The following SHTN1 variants were observed in gnomAD, a reference collection of about 807,000 sequenced individuals.
SHTN1 encodes the protein shootin 1.
In SHTN1, 42 loss-of-function variants were observed where a neutral mutation model predicts 83.1. The ratio of observed to expected loss-of-function variants is 0.51; its 90% CI spans 0.39 to 0.65. The LOEUF (loss-of-function observed/expected upper bound fraction) is 0.65. Ranked by LOEUF, SHTN1 falls within the 30% of genes least tolerant of loss-of-function variation. The probability of loss-of-function intolerance (pLI) is 0.00; values close to 1 mark genes in which losing one functional copy is unlikely to be tolerated. For synonymous variants in SHTN1, 224 were observed against 247.7 expected, an observed-to-expected ratio of 0.90 and a Z score of 0.90; for missense variants, 622 against 737.8, an observed-to-expected ratio of 0.84 and a Z score of 1.82.
chr10:116,999,229 T>C (rs1851739285), intron 1 of SHTN1, among the ~76,000 whole-genome samples: 1 of 152,198 alleles, frequency 6.6e-6, no homozygotes, highest in Non-Finnish European at 1.5e-5. Context: ...ATTGGAACAT[T>C]AATCAATTTT....
intron 2 of SHTN1, among the ~76,000 whole-genome samples, chr10:117,044,569 A>G (rs1257032238): frequency 1.3e-5 from 2 of 152,178 alleles, no homozygotes; most frequent in East Asian, 1.9e-4. Flanking sequence ...AGTATTTTCT[A>G]TATCAATTTG....
In SHTN1 at chr10:116,954,119, T is replaced by C. The variant is rs1447174401; in HGVS notation, c.359A>G (p.Asp120Gly). 1.2e-6 allele frequency: 2 copies of C among 1,613,976 alleles called. No individual in the cohort carries two copies. The highest frequency in any genetic ancestry group is 1.7e-6 in the Non-Finnish European group (2 of 1,179,870). The change falls in exon 5 of 17, where the codon GAT becomes GGT. Residue 120 changes from aspartate (D) to glycine (G), a missense_variant. Coordinates refer to ENST00000355371, the MANE Select transcript of SHTN1 (RefSeq NM_001127211.3). ...PDVITEEINI[D>G]DEDSTTDTDG... is the part of the protein sequence containing the mutation. The stretch of plus-strand genomic sequence containing the variant: ...TGTGTCTGTAGTCGAATCTTCATCA[T>C]CAATGTTTATCTCTTCAGTTATTAC...
intron 14 of SHTN1, among the ~76,000 whole-genome samples, chr10:116,908,921 T>A (rs74159004): frequency 0.059 from 9,029 of 152,188 alleles, 859 homozygotes; most frequent in African/African-American, 0.2. Context: ...AGCTAACATA[T>A]GAGTAAACTT....
intron 1 of SHTN1, among the ~76,000 whole-genome samples, chr10:117,084,048 CAA>C (rs1853311890): frequency 6.6e-6 from 1 of 152,208 alleles, no homozygotes; most frequent in African/African-American, 2.4e-5. Context: ...CTCAGCTCGT[CAA>C]AGTCATTCTC....
chr10:117,075,736 G>A (rs1163897897), intron 1 of SHTN1, among the ~76,000 whole-genome samples: 4 of 152,112 alleles, frequency 2.6e-5, no homozygotes, highest in Non-Finnish European at 4.4e-5. Context: ...TGGGTTAGAG[G>A]AAGAATTGAG....
chr10:116,900,913 T>A (rs1343093683), intron 16 of SHTN1: 1 of 985,352 alleles, frequency 1.0e-6, no homozygotes, highest in Non-Finnish European at 1.2e-6. Context: ...AAAATACCAG[T>A]TGGCAAAAAT....
intron 1 of SHTN1, among the ~76,000 whole-genome samples, chr10:117,076,091 G>A (rs983355163): frequency 1.3e-5 from 2 of 151,384 alleles, no homozygotes; most frequent in Non-Finnish European, 2.9e-5. Flanking sequence ...GCTGAGGCAG[G>A]AGGATCACCT....
chr10:117,051,454 A>G (rs1852739640), intron 1 of SHTN1, among the ~76,000 whole-genome samples: 1 of 152,180 alleles, frequency 6.6e-6, no homozygotes, highest in Admixed American at 6.5e-5. Context: ...AGACAAAGAC[A>G]ATGCAAGAAA....
At chr10:117,117,084 C>T (rs981131714) in intron 1 of SHTN1, among the ~76,000 whole-genome samples, 1 of 151,858 alleles carries the variant, frequency 6.6e-6, no homozygotes, top group African/African-American at 2.4e-5. Context: ...AAAAAAGAAA[C>T]GGTGTCCAGA....
chr10:117,085,155 T>C (rs1369759487), intron 1 of SHTN1, among the ~76,000 whole-genome samples: 1 of 152,210 alleles, frequency 6.6e-6, no homozygotes, highest in Non-Finnish European at 1.5e-5. Context: ...TCATTGATTT[T>C]GGCTTAAATT....
At chr10:116,934,822 G>T (rs1453790033) in intron 9 of SHTN1, among the ~76,000 whole-genome samples, 1 of 152,082 alleles carries the variant, frequency 6.6e-6, no homozygotes, top group African/African-American at 2.4e-5. Flanking sequence ...TTTTCCATTT[G>T]TTAGTGTCCT....
chr10:116,983,677 T>C (rs1395956113), intron 1 of SHTN1, among the ~76,000 whole-genome samples: 1 of 46,492 alleles, frequency 2.2e-5, no homozygotes, highest in African/African-American at 4.3e-5. Flanking sequence ...GATAGATAGA[T>C]AGATAGATAA....
chr10:116,980,592 A>AT (rs1850980750), intron 1 of SHTN1, among the ~76,000 whole-genome samples: 1 of 152,108 alleles, frequency 6.6e-6, no homozygotes, highest in Non-Finnish European at 1.5e-5. Context: ...AGAAAAAAAA[A>AT]CAAAAAAACA....
intron 2 of SHTN1, among the ~76,000 whole-genome samples, chr10:117,047,302 T>C (rs1469219014): frequency 6.6e-6 from 1 of 152,066 alleles, no homozygotes; most frequent in Non-Finnish European, 1.5e-5. Flanking sequence ...CCTGACCTCG[T>C]GATCCACCCG....
rs756669159 is a variant in SHTN1, at chr10:117,081,815, AT to A, written c.-188-33306del. On this transcript the variant is annotated intron_variant, in intron 1 of 17. Transcript: ENST00000392901. ...CCATTTCTTCTAGATTTTCTAGTTTATTTGCGTAGAGGTGTTTGTAGTATTC... is the reference window on the plus strand; with the variant it reads ...CCATTTCTTCTAGATTTTCTAGTTTATTGCGTAGAGGTGTTTGTAGTATTC... 4.0e-4 allele frequency among the ~76,000 whole-genome samples: 60 copies of A among 150,958 alleles called. No homozygotes were observed. The East Asian group carries it at 0.011, about 28-fold the overall frequency.
Position 116,940,445 on chromosome 10 carries a change from T to C in SHTN1, c.858+21A>G, listed in dbSNP as rs74159015. On this transcript the variant is annotated intron_variant, in intron 9 of 16. Coordinates refer to ENST00000355371, the MANE Select transcript of SHTN1 (RefSeq NM_001127211.3). ...CATGTATGTGTGTGTGTACCTAAGA[T>C]TCCAGAAGAAAATGGGTTACCTTTT... 0.014 allele frequency: 23,181 copies of C among 1,612,374 alleles called. 1,619 individuals carry two copies. The African/African-American group carries it at 0.19, about 14-fold the overall frequency.
chr10:116,903,637 C>T (rs928631936), intron 15 of SHTN1, among the ~76,000 whole-genome samples: 3 of 152,114 alleles, frequency 2.0e-5, no homozygotes, highest in Non-Finnish European at 1.5e-5. Flanking sequence ...TTTTAGAGTT[C>T]CTGAAAATAT....
chr10:117,074,878 C>A (rs912627888), intron 1 of SHTN1, among the ~76,000 whole-genome samples: 1 of 152,026 alleles, frequency 6.6e-6, no homozygotes, highest in Non-Finnish European at 1.5e-5. Context: ...GGCTGAGAGT[C>A]ATCCTGGTCA....
chr10:117,032,110 T>C lies in SHTN1; in HGVS notation c.-123+16335A>G, dbSNP rs1207494702. On this transcript the variant is annotated intron_variant, in intron 2 of 17. Coordinates refer to the SHTN1 transcript ENST00000392901. ...AGGAGCAGAAGTAGCTATACTTACA[T>C]CATGCAAAATAGATTTCAAGACAAA... 2.6e-5 allele frequency among the ~76,000 whole-genome samples: 4 copies of C among 152,228 alleles called. No homozygotes were observed. In the South Asian group the frequency reaches 8.3e-4, roughly 32 times the overall value.
Sources: allele counts gnomAD v4.1 joint callset (sites outside exome capture counted in the v4.1 genomes callset), GRCh38; gene constraint gnomAD v4.1.1; transcripts MANE v1.5; gene names NCBI Gene and HGNC (gene_info 2026-07-23, HGNC 2026-07-21).